The following ENTREP2 variants were observed in gnomAD, a reference collection of about 807,000 sequenced individuals.
ENTREP2 encodes the protein endosomal transmembrane epsin interactor 2.
chr15:29,551,522 AGGG>A, the ENTREP2 span, among the ~76,000 whole-genome samples: 1 of 152,170 alleles, frequency 6.6e-6, no homozygotes, highest in African/African-American at 2.4e-5. Flanking sequence ...TACAAAATAA[AGGG>A]AGCCTCTGCT....
the ENTREP2 span, among the ~76,000 whole-genome samples, chr15:29,505,392 T>C: frequency 9.3e-3 from 1,415 of 152,308 alleles, 17 homozygotes; most frequent in African/African-American, 0.033. This position sits in a 1 kb window ranked among gnomAD's most constrained non-coding sequence, Gnocchi z 4.3. Context: ...CTCAGCACAG[T>C]GCTCGAGCTC....
the ENTREP2 span, among the ~76,000 whole-genome samples, chr15:29,306,571 T>C: frequency 6.6e-6 from 1 of 151,706 alleles, no homozygotes; most frequent in East Asian, 1.9e-4. Flanking sequence ...GTATTTCTGA[T>C]AATGCTATGC....
At chr15:29,654,781 T>C in the ENTREP2 span, among the ~76,000 whole-genome samples, 4 of 152,220 alleles carry the variant, frequency 2.6e-5, no homozygotes, top group Admixed American at 2.6e-4. Context: ...GAATTGCCTT[T>C]GATTATACAC....
chr15:29,344,172 G>A, the ENTREP2 span, among the ~76,000 whole-genome samples: 4 of 152,212 alleles, frequency 2.6e-5, no homozygotes, highest in African/African-American at 9.6e-5. Flanking sequence ...ACCTGGGCTG[G>A]AGTGGCCAGC....
the ENTREP2 span, among the ~76,000 whole-genome samples, chr15:29,310,235 C>G: frequency 6.6e-6 from 1 of 152,174 alleles, no homozygotes; most frequent in African/African-American, 2.4e-5. Context: ...TGAGAATTCG[C>G]ACTAATACCT....
the ENTREP2 span, among the ~76,000 whole-genome samples, chr15:29,253,236 G>C: frequency 2.6e-5 from 4 of 152,260 alleles, no homozygotes; most frequent in East Asian, 7.7e-4. Context: ...AGGAATCTTA[G>C]ACAGTCTATG....
chr15:29,500,234 T>C, the ENTREP2 span, among the ~76,000 whole-genome samples: 2 of 151,978 alleles, frequency 1.3e-5, no homozygotes, highest in Non-Finnish European at 2.9e-5. Context: ...TGAACAACAC[T>C]ATAAACCAAT....
the ENTREP2 span, among the ~76,000 whole-genome samples, chr15:29,206,907 TTC>T: frequency 6.6e-6 from 1 of 152,200 alleles, no homozygotes; most frequent in African/African-American, 2.4e-5. Flanking sequence ...ACGTTTTATA[TTC>T]ACACACGTGT....
At chr15:29,252,496 A>G in the ENTREP2 span, 4 of 1,454,144 alleles carry the variant, frequency 2.8e-6, no homozygotes, top group South Asian at 1.2e-5. Flanking sequence ...CAAACCAAAC[A>G]TAAAATTGAT....
the ENTREP2 span, among the ~76,000 whole-genome samples, chr15:29,598,703 T>C: frequency 2.2e-5 from 1 of 45,460 alleles, no homozygotes; most frequent in South Asian, 7.2e-4. Flanking sequence ...TTCTTTCTTT[T>C]TTTCTTTTTT....
the ENTREP2 span, among the ~76,000 whole-genome samples, chr15:29,283,920 C>T: frequency 2.0e-5 from 3 of 151,910 alleles, no homozygotes; most frequent in Non-Finnish European, 4.4e-5. Context: ...GAACGGTCCC[C>T]ACTAAAAACC....
At chr15:29,264,978 CA>C in the ENTREP2 span, 3 of 151,834 alleles carry the variant, frequency 2.0e-5, no homozygotes, top group Non-Finnish European at 4.4e-5. Flanking sequence ...TTATATGCCC[CA>C]AAAAACAAAT....
chr15:29,640,995 C>T, the ENTREP2 span, among the ~76,000 whole-genome samples: 1 of 152,104 alleles, frequency 6.6e-6, no homozygotes, highest in South Asian at 2.1e-4. Context: ...TGGGATTTAT[C>T]CCAGGAATGG....
chr15:29,396,985 C>T, the ENTREP2 span, among the ~76,000 whole-genome samples: 1 of 152,022 alleles, frequency 6.6e-6, no homozygotes, highest in Non-Finnish European at 1.5e-5. Flanking sequence ...AATTAGTTCC[C>T]TCCCACAAAC....
chr15:29,493,710 T>C, the ENTREP2 span, among the ~76,000 whole-genome samples: 4 of 152,086 alleles, frequency 2.6e-5, no homozygotes, highest in East Asian at 7.8e-4. Flanking sequence ...GCATGGTGGC[T>C]CAGGCCTGTA....
At chr15:29,561,296 C>T in the ENTREP2 span, among the ~76,000 whole-genome samples, 1 of 151,980 alleles carries the variant, frequency 6.6e-6, no homozygotes, top group Non-Finnish European at 1.5e-5. Flanking sequence ...TCTGCACCCC[C>T]ATGTTCTAAA....
chr15:29,617,416 A>T, the ENTREP2 span, among the ~76,000 whole-genome samples: 1 of 152,148 alleles, frequency 6.6e-6, no homozygotes, highest in Non-Finnish European at 1.5e-5. Flanking sequence ...GGTGATCTTT[A>T]CTTAGTCAAT....
chr15:29,663,703 C>T, the ENTREP2 span, among the ~76,000 whole-genome samples: 5 of 151,782 alleles, frequency 3.3e-5, no homozygotes, highest in East Asian at 3.9e-4. Flanking sequence ...TCACACCCCG[C>T]GGCCTGTTGT....
chr15:29,608,821 C>A, the ENTREP2 span, among the ~76,000 whole-genome samples: 1 of 151,532 alleles, frequency 6.6e-6, no homozygotes, highest in African/African-American at 2.4e-5. Context: ...CCCGCCTCGG[C>A]CTCCTAAAGT....
Sources: allele counts gnomAD v4.1 joint callset (sites outside exome capture counted in the v4.1 genomes callset), GRCh38; gene constraint gnomAD v4.1.1; non-coding constraint Gnocchi (gnomAD v3.1); transcripts MANE v1.5; gene names NCBI Gene and HGNC (gene_info 2026-07-23, HGNC 2026-07-21).